HMOX1: variants seen among roughly 807,000 people sequenced by gnomAD.
The protein encoded by HMOX1 is heme oxygenase 1.
A neutral mutation model predicts 27.8 loss-of-function variants in HMOX1; 22 were observed. That is an observed-to-expected ratio of 0.79 (90% CI 0.57 to 1.13). The LOEUF (loss-of-function observed/expected upper bound fraction) is 1.13, where lower values mean the gene tolerates loss of function less well. Among genes scored for constraint, HMOX1 ranks in the 50% most tolerant of loss-of-function variants. HMOX1 has a pLI of 0.00. For missense variants in HMOX1, 379 were observed against 377.7 expected (o/e 1.00, Z -0.03); for synonymous variants, 153 against 151.6 (o/e 1.01, Z -0.07).
intron 4 of HMOX1, among the ~76,000 whole-genome samples, chr22:35,390,514 T>C (rs1284771699): frequency 6.6e-6 from 1 of 151,848 alleles, no homozygotes; most frequent in Non-Finnish European, 1.5e-5. Flanking sequence ...CAGGCGTGAG[T>C]CACTGTGCCC....
intron 2 of HMOX1, among the ~76,000 whole-genome samples, chr22:35,386,363 T>TC (rs916552369): frequency 6.6e-6 from 1 of 152,212 alleles, no homozygotes; most frequent in African/African-American, 2.4e-5. Context: ...AGCCTTAGCC[T>TC]CCCAAAGTGC....
Position 35,389,440 on chromosome 22 carries a change from CTTTCTTTCT to C in HMOX1, c.637-412_637-404del, listed in dbSNP as rs1171180974. 2.5e-3 allele frequency among the ~76,000 whole-genome samples: 272 copies of C among 109,840 alleles called. 10 individuals carry two copies. The highest frequency in any genetic ancestry group is 0.012 in the Middle Eastern group (3 of 246). 72.1% of individuals were successfully genotyped at this position (109,840 alleles called of 152,430 possible). On this transcript the variant is annotated intron_variant, in intron 3 of 4. Transcript: ENST00000216117. ...TCTTTCTTTCTTTCTATCTTTCTTT[CTTTCTTTCT>C]TTTCTTTCTTTCTTGCAGAGTCTCG...
chr22:35,391,757 AT>A (rs36054326), intron 4 of HMOX1, among the ~76,000 whole-genome samples: 40,184 of 139,842 alleles, frequency 0.29, 5,751 homozygotes, highest in East Asian at 0.46. Context: ...CCACACCCAG[AT>A]TTTTTTTTTT....
chr22:35,382,454 C>T (rs1255101739), intron 1 of HMOX1, among the ~76,000 whole-genome samples: 3 of 151,484 alleles, frequency 2.0e-5, no homozygotes, highest in Non-Finnish European at 2.9e-5. Context: ...TGGGTTCAAG[C>T]GATTCTCCTG....
At chr22:35,385,447 T>C (rs895289920) in intron 2 of HMOX1, among the ~76,000 whole-genome samples, 1 of 150,908 alleles carries the variant, frequency 6.6e-6, no homozygotes, top group African/African-American at 2.4e-5. Flanking sequence ...TTTTTTTTTT[T>C]TTTTCTGAGA....
intron 3 of HMOX1, among the ~76,000 whole-genome samples, chr22:35,388,808 AC>A (rs778436719): frequency 2.8e-5 from 4 of 145,198 alleles, no homozygotes; most frequent in Middle Eastern, 3.2e-3. Flanking sequence ...AAAACAAAAA[AC>A]AAACAAAAAA....
chr22:35,389,395 C>CCTTTCTTCCTTCCTTCCTTTCTTTCTTT (rs1931638856), intron 3 of HMOX1, among the ~76,000 whole-genome samples: 1 of 51,786 alleles, frequency 1.9e-5, no homozygotes, highest in African/African-American at 1.2e-4. Flanking sequence ...TTCCTTCCTT[C>CCTTTCTTCCTTCCTTCCTTTCTTTCTTT]CTTTCTTTCT....
At position 35,381,099 on chromosome 22, in the gene HMOX1, G is replaced by T; in HGVS notation, c.-75G>T. ...ACCGGCCGCGGCTCCGGCAGTCAACGCCTGCCTCCTCTCGAGCGTCCTCAG... is the reference window on the plus strand; with the variant it reads ...ACCGGCCGCGGCTCCGGCAGTCAACTCCTGCCTCCTCTCGAGCGTCCTCAG... On this transcript the variant is annotated 5_prime_UTR_variant, in exon 1 of 5. Coordinates refer to ENST00000216117, the MANE Select transcript of HMOX1 (RefSeq NM_002133.3). 6.6e-7 allele frequency: 1 copy of T among 1,522,412 alleles called. No individual in the cohort carries two copies. The highest frequency in any genetic ancestry group is 8.8e-7 in the Non-Finnish European group (1 of 1,136,326). 94.3% of individuals were successfully genotyped at this position (1,522,412 alleles called of 1,614,324 possible).
chr22:35,383,637 A>C (rs150045905), intron 2 of HMOX1, among the ~76,000 whole-genome samples: 4 of 152,058 alleles, frequency 2.6e-5, no homozygotes, highest in Admixed American at 2.6e-4. Context: ...TCAGCCTTGT[A>C]CTCCTTGTAT....
chr22:35,388,916 C>T (rs988888327), intron 3 of HMOX1, among the ~76,000 whole-genome samples: 5 of 152,148 alleles, frequency 3.3e-5, no homozygotes, highest in African/African-American at 1.2e-4. Flanking sequence ...TAACAAATAC[C>T]ATTCAGCACA....
rs1248847852 is a variant in HMOX1, at chr22:35,381,132, G to A, written c.-42G>A. The A allele has an allele frequency of 3.3e-6, 5 of 1,536,928 alleles. No individual in the cohort carries two copies. The highest frequency in any genetic ancestry group is 4.4e-6 in the Non-Finnish European group (5 of 1,147,140). On this transcript the variant is annotated 5_prime_UTR_variant, in exon 1 of 5. Coordinates refer to ENST00000216117, the MANE Select transcript of HMOX1 (RefSeq NM_002133.3). ...CCTCTCGAGCGTCCTCAGCGCAGCC[G>A]CCGCCCGCGGAGCCAGCACGAACGA...
chr22:35,387,142 A>G lies in HMOX1; in HGVS notation c.602A>G (p.Glu201Gly). The G allele has an allele frequency of 6.2e-7, 1 of 1,613,572 alleles. No individual in the cohort carries two copies. Among genetic ancestry groups the G allele is most frequent in the Non-Finnish European group, 8.5e-7 (1 of 1,180,036 alleles). Residue 201 changes from glutamate to glycine, a missense_variant, in exon 3 of 5, where the codon GAA becomes GGA. Transcript: ENST00000216117. ...CCCGCAGTCAGGCAGAGGGTGATAGAAGAGGCCAAGACTGCGTTCCTGCTC... is the reference window on the plus strand; with the variant it reads ...CCCGCAGTCAGGCAGAGGGTGATAGGAGAGGCCAAGACTGCGTTCCTGCTC... ...MTPAVRQRVI[E>G]EAKTAFLLNI...
intron 3 of HMOX1, among the ~76,000 whole-genome samples, chr22:35,388,494 CG>C (rs1931563246): frequency 1.3e-5 from 2 of 151,082 alleles, no homozygotes; most frequent in African/African-American, 4.9e-5. Context: ...CAAAAAAAAA[CG>C]GCTCTTGGCT....
chr22:35,389,751 T>C (rs953612418), intron 3 of HMOX1, 113 bp from the exon 4 acceptor site: 48 of 803,902 alleles, frequency 6.0e-5, no homozygotes, highest in Non-Finnish European at 9.9e-5. Flanking sequence ...AATATTTTTC[T>C]TACCATCTTG....
intron 1 of HMOX1, 91 bp downstream of exon 1, chr22:35,381,287 G>C: frequency 6.9e-7 from 1 of 1,443,836 alleles, no homozygotes; most frequent in Non-Finnish European, 9.4e-7. Flanking sequence ...GCCACACAGC[G>C]ACAGAGCCCA....
In HMOX1 at chr22:35,389,440, C is replaced by CTTTCT. The variant is rs1555901639; in HGVS notation, c.637-421_637-417dup. On this transcript the variant is annotated intron_variant, in intron 3 of 4. Coordinates refer to ENST00000216117, the MANE Select transcript of HMOX1 (RefSeq NM_002133.3). The stretch of plus-strand genomic sequence containing the variant: ...TCTTTCTTTCTTTCTATCTTTCTTT[C>CTTTCT]TTTCTTTCTTTTCTTTCTTTCTTGC... Among the ~76,000 whole-genome samples, 349 of 109,842 alleles carry CTTTCT rather than the reference C, an allele frequency of 3.2e-3. 10 individuals are homozygous for CTTTCT. Among genetic ancestry groups the CTTTCT allele is most frequent in the Non-Finnish European group, 4.0e-3 (227 of 57,038 alleles). The allele number at this position is 109,842 out of a possible 152,430, so 72.1% of individuals were successfully genotyped here. A position where few individuals can be genotyped will look rare whatever the true frequency, so the allele number is the denominator to read the frequency against.
intron 1 of HMOX1, 141 bp downstream of exon 1, chr22:35,381,337 G>A: frequency 1.0e-6 from 1 of 958,802 alleles, no homozygotes; most frequent in Non-Finnish European, 1.6e-6. Context: ...GAGGTGCGGG[G>A]TTCTGATCCT....
intron 1 of HMOX1, among the ~76,000 whole-genome samples, chr22:35,382,383 G>A (rs570919403): frequency 6.9e-4 from 105 of 151,780 alleles, no homozygotes; most frequent in African/African-American, 2.5e-3. Flanking sequence ...ATGGAGTGTT[G>A]CTCTGTTGCC....
Position 35,389,395 on chromosome 22 carries a change from CCTTTCTTTCTTTCTTTCTTT to C in HMOX1, c.637-454_637-435del, listed in dbSNP as rs372672366. On this transcript the variant is annotated intron_variant, in intron 3 of 4. Coordinates refer to ENST00000216117, the MANE Select transcript of HMOX1 (RefSeq NM_002133.3). ...TCCTTCCTTCCTTCCTTCCTTCCTT[CCTTTCTTTCTTTCTTTCTTT>C]CTTTCTTTCTTTCTATCTTTCTTTC... Among the ~76,000 whole-genome samples, 15 of 51,784 alleles carry C rather than the reference CCTTTCTTTCTTTCTTTCTTT, an allele frequency of 2.9e-4. 2 individuals carry two copies. Among genetic ancestry groups the C allele is most frequent in the African/African-American group, 1.8e-3 (15 of 8,362 alleles). 34.0% of individuals were successfully genotyped at this position (51,784 alleles called of 152,430 possible).
Sources: gnomAD v4.1 joint callset for allele counts (sites outside exome capture counted in the v4.1 genomes callset) on GRCh38, gnomAD v4.1.1 for gene constraint, MANE v1.5 for transcripts, NCBI Gene and HGNC (gene_info 2026-07-23, HGNC 2026-07-21) for gene names.